Variants in FOXP1 observed in about 807,000 individuals in gnomAD.
The protein encoded by FOXP1 is forkhead box P1, also known as forkhead box protein P1.
FOXP1 carries 15 observed loss-of-function variants against 98.2 expected under a neutral mutation model. That is an observed-to-expected ratio of 0.15 (90% confidence interval 0.10 to 0.24). The LOEUF (loss-of-function observed/expected upper bound fraction) is 0.24, where lower values mean the gene tolerates loss of function less well. FOXP1 is among the 10% of genes least tolerant of loss of function. The pLI is 1.00. For synonymous variants in FOXP1, 371 were observed against 314.5 expected (o/e 1.18, Z -1.90); for missense variants, 633 against 848.5 (o/e 0.75, Z 3.15).
intron 7 of FOXP1, among the ~76,000 whole-genome samples, chr3:71,084,857 A>AC (rs2054854744): frequency 6.6e-6 from 1 of 152,040 alleles, no homozygotes; most frequent in Non-Finnish European, 1.5e-5. Context: ...ACACAGCAAG[A>AC]CCCCGTCTCT....
At chr3:71,481,935 C>T (rs372604578) in intron 3 of FOXP1, among the ~76,000 whole-genome samples, 103 of 152,238 alleles carry the variant, frequency 6.8e-4, no homozygotes, top group African/African-American at 2.2e-3. Context: ...CACTCTTCCC[C>T]ATGTTTCCCC....
chr3:71,058,353 ACT>A (rs766246490), intron 7 of FOXP1, among the ~76,000 whole-genome samples: 3 of 152,316 alleles, frequency 2.0e-5, no homozygotes, highest in Non-Finnish European at 2.9e-5. Flanking sequence ...AATGCTAAAC[ACT>A]GTTTCATTTT....
At chr3:71,008,700 G>C (rs2043120659) in intron 12 of FOXP1, among the ~76,000 whole-genome samples, 1 of 152,046 alleles carries the variant, frequency 6.6e-6, no homozygotes, top group Non-Finnish European at 1.5e-5. Flanking sequence ...TGGCGGTGAG[G>C]GAAAGACAAC....
intron 6 of FOXP1, among the ~76,000 whole-genome samples, chr3:71,196,782 A>G (rs2063328328): frequency 1.3e-5 from 2 of 152,218 alleles, no homozygotes; most frequent in African/African-American, 4.8e-5. Flanking sequence ...ACTAACTTAA[A>G]TGCACAAAGT....
chr3:71,125,526 G>T (rs1055684566), intron 6 of FOXP1, among the ~76,000 whole-genome samples: 2 of 152,212 alleles, frequency 1.3e-5, no homozygotes, highest in Non-Finnish European at 2.9e-5. Context: ...TGGAGGCAAA[G>T]AAATACAGAT....
intron 6 of FOXP1, among the ~76,000 whole-genome samples, chr3:71,137,460 C>G (rs962816613): frequency 1.3e-5 from 2 of 152,104 alleles, no homozygotes; most frequent in African/African-American, 4.8e-5. Flanking sequence ...ATGGGTCCAC[C>G]ATTTGTACTA....
chr3:71,092,830 A>G (rs1197961600), intron 7 of FOXP1, among the ~76,000 whole-genome samples: 1 of 152,134 alleles, frequency 6.6e-6, no homozygotes, highest in Admixed American at 6.6e-5. Context: ...ACTGGTAGCA[A>G]TACAGTAAAA....
chr3:70,959,514 T>C, intron 20 of FOXP1, 123 bp from the exon 21 acceptor site: 1 of 1,038,642 alleles, frequency 9.6e-7, no homozygotes, highest in Non-Finnish European at 1.5e-6. Context: ...CCAGTATTGT[T>C]ACCATTAGCC....
intron 3 of FOXP1, among the ~76,000 whole-genome samples, chr3:71,394,676 T>C (rs1267653639): frequency 3.9e-5 from 6 of 152,180 alleles, no homozygotes; most frequent in African/African-American, 1.4e-4. Context: ...CCGACCCTTG[T>C]GTCAAAGGTA....
intron 2 of FOXP1, among the ~76,000 whole-genome samples, chr3:71,507,186 A>G (rs1021336781): frequency 1.3e-5 from 2 of 152,168 alleles, no homozygotes; most frequent in Non-Finnish European, 2.9e-5. Flanking sequence ...CTAATTTTAC[A>G]TTAAAGTTTC....
chr3:71,259,207 C>T lies in FOXP1; in HGVS notation c.-12+40613G>A, dbSNP rs1018373570. On this transcript the variant is annotated intron_variant, in intron 5 of 20. Transcript: ENST00000649528. The stretch of plus-strand genomic sequence containing the variant: ...GCTGCCCCATGGGCATGAGTGGGCA[C>T]GGCAACCAAAGGCTTCTAACAGAAC... Among the ~76,000 whole-genome samples, 6 of 152,200 alleles carry T rather than the reference C, an allele frequency of 3.9e-5. No homozygotes were observed. The East Asian group carries it at 5.8e-4, about 15-fold the overall frequency.
At chr3:71,068,569 G>GA (rs2052836889) in intron 7 of FOXP1, among the ~76,000 whole-genome samples, 1 of 152,170 alleles carries the variant, frequency 6.6e-6, no homozygotes. Flanking sequence ...AGCATGGGGT[G>GA]AAAAATCAAC....
rs79786192 is a variant in FOXP1 at position 71,152,167 on chromosome 3, G to A, written c.181-39530C>T. Among the ~76,000 whole-genome samples the A allele has an allele frequency of 3.8e-3, 575 of 152,266 alleles. 3 individuals are homozygous for A. Among genetic ancestry groups the A allele is most frequent in the African/African-American group, 0.013 (544 of 41,540 alleles). ...TTGGTTGGGTTTTGAAGAAGCAAAG[G>A]GCTGTGTTGTGGAGAGGGCCACACA... On this transcript the variant is annotated intron_variant, in intron 6 of 20. Transcript: ENST00000649528.
intron 14 of FOXP1, among the ~76,000 whole-genome samples, chr3:70,980,480 C>A (rs1248321323): frequency 1.3e-5 from 2 of 152,170 alleles, no homozygotes; most frequent in African/African-American, 4.8e-5. Context: ...GATGTTATTA[C>A]TCATACTTTA....
intron 2 of FOXP1, among the ~76,000 whole-genome samples, chr3:71,555,626 A>C (rs1559525843): frequency 6.6e-6 from 1 of 152,218 alleles, no homozygotes; most frequent in Non-Finnish European, 1.5e-5. Context: ...TTTTCATGTA[A>C]GAAAATGTTG....
intron 6 of FOXP1, among the ~76,000 whole-genome samples, chr3:71,151,282 C>T (rs999979332): frequency 3.9e-5 from 6 of 152,128 alleles, no homozygotes; most frequent in Admixed American, 1.3e-4. Context: ...TCTTCTTTTG[C>T]GAAGACCCGG....
In FOXP1 at chr3:70,955,004, C is replaced by A. The variant is rs1203870778; in HGVS notation, c.*4243G>T. 4.3e-6 allele frequency: 1 copy of A among 232,408 alleles called. No individual in the cohort carries two copies. The highest frequency in any genetic ancestry group is 2.2e-5 in the African/African-American group (1 of 45,298). The allele number at this position is 232,408 out of a possible 1,614,324, so 14.4% of individuals were successfully genotyped here. On this transcript the variant is annotated 3_prime_UTR_variant, in exon 21 of 21. Transcript: ENST00000649528. Reference sequence around the variant, plus strand: ...GGTAGCAGAGATTGCGTGAGCTACACTGGGCCCAAGAAATGCCTTCAGCAT... The same window carrying A: ...GGTAGCAGAGATTGCGTGAGCTACAATGGGCCCAAGAAATGCCTTCAGCAT...
chr3:71,012,460 G>A (rs1475708119), intron 12 of FOXP1, among the ~76,000 whole-genome samples: 1 of 152,148 alleles, frequency 6.6e-6, no homozygotes, highest in East Asian at 1.9e-4. Flanking sequence ...TGCTGATCGT[G>A]ATTGTTCACA....
chr3:71,139,008 T>C (rs1031010754), intron 6 of FOXP1, among the ~76,000 whole-genome samples: 8 of 152,228 alleles, frequency 5.3e-5, no homozygotes, highest in African/African-American at 1.9e-4. Context: ...GGCATCCTGG[T>C]TTCGCATGTT....
Sources: gnomAD v4.1 joint callset for allele counts (sites outside exome capture counted in the v4.1 genomes callset) on GRCh38, gnomAD v4.1.1 for gene constraint, MANE v1.5 for transcripts, NCBI Gene and HGNC (gene_info 2026-07-23, HGNC 2026-07-21) for gene names.